Variants in SENP7 observed in about 807,000 individuals in gnomAD.
SENP7 encodes the protein sentrin-specific protease 7.
In SENP7, 64 loss-of-function variants were observed where a neutral mutation model predicts 141.2. The observed-to-expected ratio is 0.45, with a 90% CI of 0.37 to 0.56. SENP7 has a LOEUF of 0.56. Among genes scored for constraint, SENP7 ranks in the 20% least tolerant of loss-of-function variants. The pLI is 0.00. For synonymous variants in SENP7, 382 were observed against 426.4 expected (o/e 0.90, Z 1.28); for missense variants, 1,025 against 1,212.2 (o/e 0.85, Z 2.29).
chr3:101,442,606 T>C (rs2062722845), intron 4 of SENP7, among the ~76,000 whole-genome samples: 1 of 150,272 alleles, frequency 6.7e-6, no homozygotes, highest in African/African-American at 2.5e-5. Flanking sequence ...CTAAGGAAAC[T>C]CAAAAAGTTA....
At chr3:101,393,129 C>A (rs2060862159) in intron 6 of SENP7, among the ~76,000 whole-genome samples, 1 of 152,080 alleles carries the variant, frequency 6.6e-6, no homozygotes, top group Non-Finnish European at 1.5e-5. Flanking sequence ...GCTGGAAAAA[C>A]TAAATACCCA....
chr3:101,335,997 C>T (rs1029310473), intron 17 of SENP7, among the ~76,000 whole-genome samples: 8 of 152,176 alleles, frequency 5.3e-5, no homozygotes, highest in African/African-American at 1.7e-4. Flanking sequence ...CCCTGGTATA[C>T]GCACTCGTTG....
chr3:101,348,298 T>C (rs1369990915), intron 12 of SENP7, among the ~76,000 whole-genome samples: 1 of 152,200 alleles, frequency 6.6e-6, no homozygotes, highest in East Asian at 1.9e-4. Flanking sequence ...GACAATTAAA[T>C]AGAGATTGAA....
intron 5 of SENP7, among the ~76,000 whole-genome samples, chr3:101,416,039 T>C (rs139787189): frequency 1.3e-5 from 2 of 152,004 alleles, no homozygotes; most frequent in Admixed American, 6.5e-5. Context: ...AATTTGTAAG[T>C]AGTGTCAATC....
intron 11 of SENP7, among the ~76,000 whole-genome samples, chr3:101,355,130 C>T (rs574581396): frequency 3.9e-4 from 60 of 152,144 alleles, no homozygotes; most frequent in Admixed American, 1.6e-3. Context: ...TTGTCAGATG[C>T]CTACTTTGCA....
chr3:101,507,359 C>T (rs1387762506), intron 1 of SENP7, among the ~76,000 whole-genome samples: 2 of 152,208 alleles, frequency 1.3e-5, no homozygotes, highest in Non-Finnish European at 2.9e-5. Flanking sequence ...TGCCTTCCAT[C>T]ATCAAGCCTA....
In SENP7 at chr3:101,496,487, C is replaced by T. The variant is rs542241216; in HGVS notation, c.91-2519G>A. On this transcript the variant is annotated intron_variant, in intron 2 of 23. Coordinates refer to ENST00000394095, the MANE Select transcript of SENP7 (RefSeq NM_020654.5). ...CCCAGGCTAGTCCCAAATTCCTGGG[C>T]TCTGTGGCTCAAGCAATCCTCCCAT... 3.3e-5 allele frequency among the ~76,000 whole-genome samples: 5 copies of T among 152,046 alleles called. 1 individual carries two copies. Among genetic ancestry groups the T allele is most frequent in the African/African-American group, 1.2e-4 (5 of 41,496 alleles).
At chr3:101,487,990 C>T (rs924542760) in intron 3 of SENP7, among the ~76,000 whole-genome samples, 2 of 152,072 alleles carry the variant, frequency 1.3e-5, no homozygotes, top group Admixed American at 1.3e-4. Context: ...TTCTAATTCT[C>T]TGAAAAATGA....
At chr3:101,509,363 C>A (rs1202509374) in intron 1 of SENP7, among the ~76,000 whole-genome samples, 1 of 152,126 alleles carries the variant, frequency 6.6e-6, no homozygotes, top group African/African-American at 2.4e-5. Context: ...ACCACTCTTA[C>A]CATCAGTAAA....
intron 4 of SENP7, among the ~76,000 whole-genome samples, chr3:101,441,601 G>A (rs187263954): frequency 6.6e-6 from 1 of 152,226 alleles, no homozygotes; most frequent in Non-Finnish European, 1.5e-5. Context: ...AGTGGCCTGA[G>A]AACCCACCCA....
At chr3:101,491,126 C>CTTT (rs199912447) in intron 3 of SENP7, among the ~76,000 whole-genome samples, 18 of 140,858 alleles carry the variant, frequency 1.3e-4, no homozygotes, top group Non-Finnish European at 2.0e-4. Context: ...TCATTTTATA[C>CTTT]TTTTTTTTTT....
At chr3:101,376,215 T>TA (rs1190200691) in intron 6 of SENP7, among the ~76,000 whole-genome samples, 1 of 152,054 alleles carries the variant, frequency 6.6e-6, no homozygotes, top group Admixed American at 6.6e-5. Flanking sequence ...AATAGGGAGT[T>TA]AGAGTTTAAT....
intron 4 of SENP7, among the ~76,000 whole-genome samples, chr3:101,426,437 T>A (rs955848052): frequency 1.3e-5 from 2 of 151,738 alleles, no homozygotes; most frequent in Non-Finnish European, 2.9e-5. Context: ...TAACCCAAAA[T>A]GTGATATGCA....
At chr3:101,479,255 A>G (rs2064347580) in intron 3 of SENP7, among the ~76,000 whole-genome samples, 1 of 152,224 alleles carries the variant, frequency 6.6e-6, no homozygotes, top group South Asian at 2.1e-4. Context: ...AGAGGAAGTA[A>G]AATTATCCCT....
intron 3 of SENP7, among the ~76,000 whole-genome samples, chr3:101,473,634 G>A (rs1014898359): frequency 1.3e-5 from 2 of 152,064 alleles, no homozygotes; most frequent in African/African-American, 4.8e-5. Flanking sequence ...CAGTATATTC[G>A]ACTTCTGTCA....
At chr3:101,419,457 A>C (rs1224676167) in intron 4 of SENP7, among the ~76,000 whole-genome samples, 1 of 152,222 alleles carries the variant, frequency 6.6e-6, no homozygotes, top group Non-Finnish European at 1.5e-5. Context: ...AATAAAAATT[A>C]ATTTACGGAG....
At chr3:101,420,620 C>T (rs749428699) in intron 4 of SENP7, among the ~76,000 whole-genome samples, 4 of 152,170 alleles carry the variant, frequency 2.6e-5, no homozygotes, top group Non-Finnish European at 5.9e-5. Context: ...ATCTGGCAGG[C>T]ACCATCTTAT....
chr3:101,457,611 T>C, intron 4 of SENP7: 1 of 1,571,624 alleles, frequency 6.4e-7, no homozygotes, highest in Non-Finnish European at 8.7e-7. Context: ...TTTTTTATCA[T>C]CTGCTGTGGC....
intron 3 of SENP7, among the ~76,000 whole-genome samples, chr3:101,489,255 G>C (rs1184392370): frequency 6.6e-6 from 1 of 152,098 alleles, no homozygotes; most frequent in East Asian, 1.9e-4. Context: ...CAACTATACA[G>C]TCAAGTCTAT....
Sources: allele counts gnomAD v4.1 joint callset (sites outside exome capture counted in the v4.1 genomes callset), GRCh38; gene constraint gnomAD v4.1.1; transcripts MANE v1.5; gene names NCBI Gene and HGNC (gene_info 2026-07-23, HGNC 2026-07-21).